Variants in TMEM74 observed in about 807,000 individuals in gnomAD.
TMEM74 encodes the protein transmembrane protein 74.
TMEM74 carries 13 observed loss-of-function variants against 18.1 expected under a neutral mutation model. That is an observed-to-expected ratio of 0.72 (90% confidence interval 0.47 to 1.14). The LOEUF (loss-of-function observed/expected upper bound fraction) is 1.14, where lower values mean the gene tolerates loss of function less well. TMEM74 is among the 50% of genes most tolerant of loss of function. The probability of loss-of-function intolerance (pLI) is 0.00; values close to 1 mark genes in which losing one functional copy is unlikely to be tolerated. For missense variants in TMEM74, 372 were observed against 375.9 expected (o/e 0.99, Z 0.09); for synonymous variants, 159 against 146.6 (o/e 1.08, Z -0.61).
At chr8:108,677,588 A>G (rs1013622164) in intron 1 of TMEM74, among the ~76,000 whole-genome samples, 9 of 151,890 alleles carry the variant, frequency 5.9e-5, no homozygotes, top group African/African-American at 2.2e-4. Flanking sequence ...GCACAATCTG[A>G]AAAGATGACT....
At chr8:108,676,194 C>CATA (rs1813054523) in intron 1 of TMEM74, among the ~76,000 whole-genome samples, 1 of 152,112 alleles carries the variant, frequency 6.6e-6, no homozygotes, top group Non-Finnish European at 1.5e-5. Flanking sequence ...ATATGCAGGA[C>CATA]CGCAAAATCC....
chr8:108,723,172 T>C (rs1349470807), intron 1 of TMEM74, among the ~76,000 whole-genome samples: 2 of 152,208 alleles, frequency 1.3e-5, no homozygotes, highest in Admixed American at 6.5e-5. Context: ...GTGTTTTTTA[T>C]TCTGGATTCT....
intron 1 of TMEM74, among the ~76,000 whole-genome samples, chr8:108,762,766 A>T (rs1032982375): frequency 3.3e-5 from 5 of 152,140 alleles, no homozygotes; most frequent in African/African-American, 9.7e-5. Flanking sequence ...GCATAGTGGT[A>T]TGCACTTATA....
At chr8:108,684,692 A>G (rs1394754466) in intron 1 of TMEM74, among the ~76,000 whole-genome samples, 1 of 111,586 alleles carries the variant, frequency 9.0e-6, no homozygotes, top group African/African-American at 3.4e-5. Flanking sequence ...TTTTTCTAAT[A>G]GTTTTTTTTT....
intron 2 of TMEM74, among the ~76,000 whole-genome samples, chr8:108,636,359 T>C (rs1257426911): frequency 1.3e-5 from 2 of 152,044 alleles, no homozygotes; most frequent in Non-Finnish European, 2.9e-5. Context: ...CTGTTAGTAT[T>C]AGGGTGGTCC....
chr8:108,698,591 C>T (rs1042662920), intron 1 of TMEM74, among the ~76,000 whole-genome samples: 1 of 152,110 alleles, frequency 6.6e-6, no homozygotes, highest in Non-Finnish European at 1.5e-5. Flanking sequence ...CTGTTATTTC[C>T]TATCCAAAAT....
chr8:108,745,284 T>C (rs1813838119), intron 1 of TMEM74, among the ~76,000 whole-genome samples: 1 of 152,132 alleles, frequency 6.6e-6, no homozygotes, highest in Admixed American at 6.6e-5. Flanking sequence ...GCCTTGCTGG[T>C]AATTATGGTC....
chr8:108,631,480 A>G lies in TMEM74; in HGVS notation n.265-22654T>C, dbSNP rs142630656. Reference sequence around the variant, plus strand: ...GCTTTCCACTTGGTGTCAAAAGCACACTCAAAACACTCAGCATATTTAGGT... The same window carrying G: ...GCTTTCCACTTGGTGTCAAAAGCACGCTCAAAACACTCAGCATATTTAGGT... On this transcript the variant is annotated intron_variant and non_coding_transcript_variant, in intron 2 of 3. Transcript: ENST00000518838. 2.8e-3 allele frequency among the ~76,000 whole-genome samples: 431 copies of G among 152,184 alleles called. 2 individuals carry two copies. The highest frequency in any genetic ancestry group is 9.4e-3 in the African/African-American group (389 of 41,560).
chr8:108,769,917 T>C (rs1328909608), intron 1 of TMEM74, among the ~76,000 whole-genome samples: 7 of 152,126 alleles, frequency 4.6e-5, no homozygotes, highest in Admixed American at 4.6e-4. Flanking sequence ...ATTAACACTT[T>C]TTGGGGCCAG....
intron 2 of TMEM74, chr8:108,655,253 C>A (rs1045008246): frequency 6.6e-6 from 1 of 152,038 alleles, no homozygotes; most frequent in African/African-American, 2.4e-5. Context: ...TTCTTACTTG[C>A]CAGAGGCAAA....
At chr8:108,689,947 A>G (rs958980433) in intron 1 of TMEM74, among the ~76,000 whole-genome samples, 3 of 152,156 alleles carry the variant, frequency 2.0e-5, no homozygotes, top group African/African-American at 7.2e-5. Flanking sequence ...TCCAATTTTT[A>G]ACATTTCAAA....
At chr8:108,670,429 G>A (rs1812992590) in intron 1 of TMEM74, among the ~76,000 whole-genome samples, 1 of 152,158 alleles carries the variant, frequency 6.6e-6, no homozygotes, top group African/African-American at 2.4e-5. Flanking sequence ...GTATGTGAGA[G>A]CTTTAGATCA....
At chr8:108,740,576 G>A (rs1490130006) in intron 1 of TMEM74, among the ~76,000 whole-genome samples, 1 of 152,142 alleles carries the variant, frequency 6.6e-6, no homozygotes, top group Non-Finnish European at 1.5e-5. Flanking sequence ...TGTCAAGTAA[G>A]TCTGTTGGTG....
chr8:108,772,758 G>C (rs13256190), intron 1 of TMEM74, among the ~76,000 whole-genome samples: 10,577 of 152,190 alleles, frequency 0.069, 552 homozygotes, highest in Admixed American at 0.14. Context: ...TTAACCTCAA[G>C]CAAGTGTATT....
intron 1 of TMEM74, among the ~76,000 whole-genome samples, chr8:108,725,324 T>C (rs956104828): frequency 2.0e-5 from 3 of 152,200 alleles, no homozygotes; most frequent in African/African-American, 7.2e-5. Flanking sequence ...CTGAAAGTTA[T>C]AATTCCTAAT....
chr8:108,646,310 G>T (rs1812717395), intron 2 of TMEM74, among the ~76,000 whole-genome samples: 1 of 152,142 alleles, frequency 6.6e-6, no homozygotes, highest in Admixed American at 6.6e-5. Flanking sequence ...ATTCAAGTAT[G>T]TTATACAATA....
chr8:108,706,205 ATC>A (rs1360065636), intron 1 of TMEM74, among the ~76,000 whole-genome samples: 1 of 152,182 alleles, frequency 6.6e-6, no homozygotes, highest in Non-Finnish European at 1.5e-5. Flanking sequence ...CTCAACACGT[ATC>A]TGTTTTAAAA....
chr8:108,617,452 G>T (rs1812396156), intron 2 of TMEM74, among the ~76,000 whole-genome samples: 1 of 152,062 alleles, frequency 6.6e-6, no homozygotes, highest in African/African-American at 2.4e-5. Context: ...TGATTCTGGG[G>T]TGTAGGAAGC....
chr8:108,747,132 T>A (rs912187596), intron 1 of TMEM74, among the ~76,000 whole-genome samples: 2 of 152,102 alleles, frequency 1.3e-5, no homozygotes, highest in Non-Finnish European at 2.9e-5. Context: ...CACAGTCTTG[T>A]GGGACTGAGC....
Sources: allele counts gnomAD v4.1 joint callset (sites outside exome capture counted in the v4.1 genomes callset), GRCh38; gene constraint gnomAD v4.1.1; transcripts MANE v1.5; gene names NCBI Gene and HGNC (gene_info 2026-07-23, HGNC 2026-07-21).